Variants in ARRDC5 observed in about 807,000 individuals in gnomAD.
ARRDC5 encodes the protein arrestin domain-containing protein 5.
In ARRDC5, 12 loss-of-function variants were observed where a neutral mutation model predicts 13.3. The ratio of observed to expected loss-of-function variants is 0.90; its 90% CI spans 0.58 to 1.46. The LOEUF is 1.46. Among genes scored for constraint, ARRDC5 ranks in the 40% most tolerant of loss-of-function variants. ARRDC5 has a pLI of 0.00. For missense variants in ARRDC5, 406 were observed against 418.7 expected, an observed-to-expected ratio of 0.97 and a Z score of 0.26; for synonymous variants, 181 against 173.4, an observed-to-expected ratio of 1.04 and a Z score of -0.34.
chr19:4,898,177 G>A (rs2031796937), intron 1 of ARRDC5, among the ~76,000 whole-genome samples: 1 of 152,136 alleles, frequency 6.6e-6, no homozygotes, highest in Non-Finnish European at 1.5e-5. Flanking sequence ...ATGGTATACA[G>A]TGGGTGCTTA....
chr19:4,895,422 C>CAAAAAA (rs1039157516), intron 2 of ARRDC5, among the ~76,000 whole-genome samples: 13 of 70,684 alleles, frequency 1.8e-4, no homozygotes, highest in Admixed American at 3.0e-4. Context: ...GACTCCGTCT[C>CAAAAAA]AAAAAAAAAA....
Position 4,896,799 on chromosome 19 carries a change from T to G in ARRDC5, c.331A>C (p.Ser111Arg), listed in dbSNP as rs1370290525. The change falls in exon 2 of 3, where the codon AGC (serine) becomes CGC (arginine). Residue 111 changes from serine to arginine, a missense_variant. Ser to Arg is a moderately radical substitution (Grantham distance 110). Coordinates refer to ENST00000650722, the MANE Select transcript of ARRDC5 (RefSeq NM_001080523.3). Reference sequence around the variant, plus strand: ...AAATAGAAGACATGGCCAAATTTGCTGGTGAAGGTAGAAGGAAGCCTGGGA... The same window carrying G: ...AAATAGAAGACATGGCCAAATTTGCGGGTGAAGGTAGAAGGAAGCCTGGGA... The part of the protein sequence containing the change: ...LPPRLPSTFT[S>R]KFGHVFYFVQ... The G allele has an allele frequency of 6.2e-7, 1 of 1,613,922 alleles. No individual in the cohort carries two copies. The highest frequency in any genetic ancestry group is 8.5e-7 in the Non-Finnish European group (1 of 1,179,866).
intron 1 of ARRDC5, 148 bp from the exon 2 acceptor site, chr19:4,897,024 T>G: frequency 3.4e-6 from 2 of 595,138 alleles, no homozygotes; most frequent in Non-Finnish European, 5.7e-6. Context: ...TGGTGTGATC[T>G]CAGCTCACAG....
At chr19:4,908,007 C>T in the ARRDC5 span, among the ~76,000 whole-genome samples, 5 of 152,086 alleles carry the variant, frequency 3.3e-5, no homozygotes, top group African/African-American at 9.7e-5. Context: ...CCAACGCGCC[C>T]GGCCCTTGGC....
upstream of ARRDC5, among the ~76,000 whole-genome samples, chr19:4,906,552 G>C (rs1298425226): frequency 6.6e-6 from 1 of 152,126 alleles, no homozygotes; most frequent in Non-Finnish European, 1.5e-5. Context: ...TCAGGAGTTT[G>C]AGACCAGCCT....
At chr19:4,901,080 G>A (rs191562593) in intron 1 of ARRDC5, among the ~76,000 whole-genome samples, 346 of 151,618 alleles carry the variant, frequency 2.3e-3, no homozygotes, top group African/African-American at 7.9e-3. Flanking sequence ...AGGAGGTTGC[G>A]GTGAGCCGAG....
the ARRDC5 span, among the ~76,000 whole-genome samples, chr19:4,907,926 G>T: frequency 4.0e-5 from 6 of 151,588 alleles, no homozygotes; most frequent in South Asian, 1.3e-3. Flanking sequence ...TAGTCAGGCT[G>T]GTCTCGAACT....
chr19:4,899,233 A>AC (rs34120376), intron 1 of ARRDC5, among the ~76,000 whole-genome samples: 12,320 of 151,672 alleles, frequency 0.081, 596 homozygotes, highest in Admixed American at 0.18. Flanking sequence ...AATGGCGTGA[A>AC]CCCGGGAGGC....
intron 2 of ARRDC5, among the ~76,000 whole-genome samples, chr19:4,896,359 TTTAC>T (rs1352696573): frequency 0.02 from 1,664 of 82,758 alleles, 14 homozygotes; most frequent in South Asian, 0.032. Context: ...TTTTTTTTTT[TTTAC>T]ACACACACAC....
At chr19:4,902,912 C>A, upstream of ARRDC5, 1 of 1,591,396 alleles carries the variant, frequency 6.3e-7, no homozygotes, top group Non-Finnish European at 8.6e-7. Flanking sequence ...GGTAATCCAT[C>A]TATGACATCA....
At chr19:4,909,833 C>T in the ARRDC5 span, 1 of 408,906 alleles carries the variant, frequency 2.4e-6, no homozygotes, top group Non-Finnish European at 4.3e-6. Flanking sequence ...ACACATCCGG[C>T]TGGAGCCGGG....
chr19:4,910,050 G>C, the ARRDC5 span: 1 of 164,616 alleles, frequency 6.1e-6, no homozygotes, highest in Non-Finnish European at 1.3e-5. Flanking sequence ...GGGGCGGCCG[G>C]GTGCTGCGGA....
the ARRDC5 span, among the ~76,000 whole-genome samples, chr19:4,915,678 CCAGCCTGGGCGA>C: frequency 6.6e-6 from 1 of 152,090 alleles, no homozygotes; most frequent in Non-Finnish European, 1.5e-5. Context: ...CCACTGCACT[CCAGCCTGGGCGA>C]CAGAGCAAGA....
intron 1 of ARRDC5, among the ~76,000 whole-genome samples, chr19:4,901,588 T>C (rs902918822): frequency 7.2e-5 from 11 of 152,186 alleles, no homozygotes; most frequent in Admixed American, 3.3e-4. Flanking sequence ...CACTCCAGCC[T>C]GGGAAGCAGG....
At chr19:4,907,664 C>T (rs1490691090), upstream of ARRDC5, among the ~76,000 whole-genome samples, 1 of 150,622 alleles carries the variant, frequency 6.6e-6, no homozygotes, top group African/African-American at 2.4e-5. Flanking sequence ...CTTTTTCTAG[C>T]CACCAGAGGC....
At chr19:4,910,936 C>T in the ARRDC5 span, 2 of 1,613,586 alleles carry the variant, frequency 1.2e-6, no homozygotes, top group East Asian at 4.5e-5. Context: ...ACACGGTGGA[C>T]TCGCTGTCCA....
the ARRDC5 span, among the ~76,000 whole-genome samples, chr19:4,913,329 C>G: frequency 1.4e-5 from 2 of 145,174 alleles, no homozygotes; most frequent in African/African-American, 5.2e-5. Flanking sequence ...TCTGGGCTCA[C>G]TGCAACCTTC....
intron 2 of ARRDC5, among the ~76,000 whole-genome samples, chr19:4,893,808 C>A (rs187063600): frequency 0.011 from 1,612 of 141,302 alleles, 12 homozygotes; most frequent in Non-Finnish European, 0.018. Context: ...TTTGGGAGGC[C>A]GAGGTGGGTG....
chr19:4,914,333 A>G, the ARRDC5 span, among the ~76,000 whole-genome samples: 1 of 152,132 alleles, frequency 6.6e-6, no homozygotes, highest in Non-Finnish European at 1.5e-5. Context: ...ATAGAAAGCA[A>G]CACAGTTCCC....
Sources: gnomAD v4.1 joint callset for allele counts (sites outside exome capture counted in the v4.1 genomes callset) on GRCh38, gnomAD v4.1.1 for gene constraint, MANE v1.5 for transcripts, NCBI Gene and HGNC (gene_info 2026-07-23, HGNC 2026-07-21) for gene names.